The following KLHL4 variants were observed in gnomAD, a reference collection of about 807,000 sequenced individuals.
The protein encoded by KLHL4 is kelch-like protein 4.
A neutral mutation model predicts 45.8 loss-of-function variants in KLHL4; 17 were observed. The observed-to-expected ratio is 0.37, with a 90% CI of 0.25 to 0.56. The LOEUF is 0.56. Ranked by LOEUF, KLHL4 falls within the 20% of genes least tolerant of loss-of-function variation. The pLI is 0.79. For missense variants in KLHL4, 544 were observed against 544.9 expected (o/e 1.00, Z 0.02); for synonymous variants, 224 against 189.9 (o/e 1.18, Z -1.47).
chrX:87,618,175 G>C (rs762990382), intron 4 of KLHL4, 47 bp downstream of exon 4: 24 of 961,511 alleles, frequency 2.5e-5, no homozygotes, highest in Non-Finnish European at 3.0e-5. Context: ...ATATGTTAAT[G>C]TTATAATAAA....
At chrX:87,602,440 A>T (rs966957386) in intron 1 of KLHL4, among the ~76,000 whole-genome samples, 2 of 110,771 alleles carry the variant, frequency 1.8e-5, no homozygotes, top group East Asian at 2.8e-4. Context: ...TTGGTATACC[A>T]TTTTTTTATA....
intron 1 of KLHL4, among the ~76,000 whole-genome samples, chrX:87,593,439 T>G (rs915969748): frequency 8.0e-5 from 9 of 111,974 alleles, no homozygotes; most frequent in Non-Finnish European, 1.5e-4. Flanking sequence ...GTTGGTTGAT[T>G]ATTCTACTTG....
chrX:87,648,035 C>T (rs1322695518), intron 9 of KLHL4, among the ~76,000 whole-genome samples: 1 of 110,458 alleles, frequency 9.1e-6, no homozygotes, highest in African/African-American at 3.3e-5. Flanking sequence ...ATTGCAATGA[C>T]TCTATTGCAA....
rs780160650 is a variant in KLHL4, at chrX:87,551,587, G to GTAGATAGATAGATAGATAGATAGA, written c.422+33273_422+33296dup. 1.7e-3 allele frequency among the ~76,000 whole-genome samples: 183 copies of GTAGATAGATAGATAGATAGATAGA among 107,517 alleles called. 2 individuals carry two copies. Among genetic ancestry groups the GTAGATAGATAGATAGATAGATAGA allele is most frequent in the African/African-American group, 6.1e-3 (179 of 29,485 alleles). 93.4% of individuals were successfully genotyped at this position (107,517 alleles called of 115,157 possible). A position where few individuals can be genotyped will look rare whatever the true frequency, so the allele number is the denominator to read the frequency against. ...GATAGACAGATAGATAAATAGATAG[G>GTAGATAGATAGATAGATAGATAGA]TAGATAGATAGATAGATAGATAGAA... On this transcript the variant is annotated intron_variant, in intron 1 of 10. Coordinates refer to ENST00000373119, the MANE Select transcript of KLHL4 (RefSeq NM_019117.5).
chrX:87,595,489 A>G (rs754886355), intron 1 of KLHL4, among the ~76,000 whole-genome samples: 1 of 111,777 alleles, frequency 8.9e-6, no homozygotes, highest in African/African-American at 3.2e-5. Flanking sequence ...TATAAATTAC[A>G]TTGCTTTCTA....
At chrX:87,560,884 A>T (rs2147784825) in intron 1 of KLHL4, among the ~76,000 whole-genome samples, 1 of 111,975 alleles carries the variant, frequency 8.9e-6, no homozygotes, top group South Asian at 3.7e-4. Context: ...ATTTGTAAAT[A>T]GTGCTACAAT....
chrX:87,568,309 A>G (rs147394981), intron 1 of KLHL4, among the ~76,000 whole-genome samples: 2,296 of 108,929 alleles, frequency 0.021, 69 homozygotes, highest in African/African-American at 0.073. Flanking sequence ...TTAAATGGTA[A>G]TACTCCCCAA....
intron 1 of KLHL4, among the ~76,000 whole-genome samples, chrX:87,556,582 A>T (rs1353726222): frequency 3.6e-5 from 4 of 110,375 alleles, no homozygotes; most frequent in African/African-American, 1.3e-4. Context: ...CTAAATGATG[A>T]GTGAATGGGT....
At chrX:87,565,127 A>G (rs980026598) in intron 1 of KLHL4, among the ~76,000 whole-genome samples, 4 of 111,930 alleles carry the variant, frequency 3.6e-5, no homozygotes, top group Non-Finnish European at 7.5e-5. Context: ...GAATGTAAAA[A>G]CCACACATAA....
rs1177416668 is a variant in KLHL4 at position 87,667,316 on chromosome X, A to C, written c.*782A>C. On this transcript the variant is annotated 3_prime_UTR_variant, in exon 11 of 11. Coordinates refer to ENST00000373119, the MANE Select transcript of KLHL4 (RefSeq NM_019117.5). ...TGATACAAACTGTGACCTCAGCTTCAGAGTGTCAGGGCCTCACTTGTATAG... is the reference window on the plus strand; with the variant it reads ...TGATACAAACTGTGACCTCAGCTTCCGAGTGTCAGGGCCTCACTTGTATAG... 1.4e-6 allele frequency: 1 copy of C among 709,554 alleles called. No individual in the cohort carries two copies. The highest frequency in any genetic ancestry group is 1.7e-6 in the Non-Finnish European group (1 of 599,819). The allele number at this position is 709,554 out of a possible 1,213,427, so 58.5% of individuals were successfully genotyped here. A position where few individuals can be genotyped will look rare whatever the true frequency, so the allele number is the denominator to read the frequency against.
At chrX:87,664,983 G>A in intron 10 of KLHL4, 48 bp downstream of exon 10, 1 of 828,649 alleles carries the variant, frequency 1.2e-6, no homozygotes, top group Non-Finnish European at 1.7e-6. Flanking sequence ...GTTTTAAAAA[G>A]AAGATATTAA....
At chrX:87,664,045 T>C (rs1333379836) in intron 9 of KLHL4, among the ~76,000 whole-genome samples, 1 of 112,039 alleles carries the variant, frequency 8.9e-6, no homozygotes, top group African/African-American at 3.2e-5. Context: ...ACCTTTTAGA[T>C]TTTAGTGTTA....
intron 1 of KLHL4, among the ~76,000 whole-genome samples, chrX:87,568,672 G>A (rs1932273734): frequency 9.0e-6 from 1 of 110,810 alleles, no homozygotes; most frequent in Non-Finnish European, 1.9e-5. Context: ...AAATAAAAAA[G>A]AAGCTTCAGA....
intron 1 of KLHL4, among the ~76,000 whole-genome samples, chrX:87,562,649 C>T (rs1932124058): frequency 9.0e-6 from 1 of 110,941 alleles, no homozygotes; most frequent in Non-Finnish European, 1.9e-5. Flanking sequence ...CCCCAGCTCC[C>T]ACGTGCCATC....
chrX:87,532,676 A>T (rs1386463057), intron 1 of KLHL4, among the ~76,000 whole-genome samples: 1 of 104,080 alleles, frequency 9.6e-6, no homozygotes, highest in East Asian at 3.2e-4. Context: ...ATTCCTAGGT[A>T]TTTTATTCTC....
chrX:87,638,146 G>GA (rs200381785), intron 9 of KLHL4, among the ~76,000 whole-genome samples: 2 of 110,475 alleles, frequency 1.8e-5, no homozygotes, highest in Admixed American at 1.9e-4. Flanking sequence ...CAAAGATAAA[G>GA]AAAAAAATTA....
chrX:87,611,796 A>C (rs1922384643), intron 1 of KLHL4, among the ~76,000 whole-genome samples: 1 of 110,832 alleles, frequency 9.0e-6, no homozygotes, highest in African/African-American at 3.3e-5. Context: ...AGAAGAAGGC[A>C]GAGATGAAAG....
intron 1 of KLHL4, among the ~76,000 whole-genome samples, chrX:87,580,277 G>T (rs1194352542): frequency 9.3e-6 from 1 of 107,899 alleles, no homozygotes; most frequent in East Asian, 2.9e-4. Context: ...TTAGTAAAAA[G>T]GGAAAGAAAC....
At chrX:87,614,170 G>T (rs1029501180) in intron 2 of KLHL4, 126 bp downstream of exon 2, 1 of 582,514 alleles carries the variant, frequency 1.7e-6, no homozygotes, top group Non-Finnish European at 2.6e-6. Context: ...AAAAGTCTTC[G>T]CCTATATGAT....
Sources: allele counts gnomAD v4.1 joint callset (sites outside exome capture counted in the v4.1 genomes callset), GRCh38; gene constraint gnomAD v4.1.1; transcripts MANE v1.5; gene names NCBI Gene and HGNC (gene_info 2026-07-23, HGNC 2026-07-21).